NPAS3: variants seen among roughly 807,000 people sequenced by gnomAD.
The protein encoded by NPAS3 is neuronal PAS domain-containing protein 3.
NPAS3 carries 14 observed loss-of-function variants against 73.1 expected under a neutral mutation model. That is an observed-to-expected ratio of 0.19 (90% confidence interval 0.13 to 0.30). NPAS3 has a LOEUF of 0.30. Among genes scored for constraint, NPAS3 ranks in the 10% least tolerant of loss-of-function variants. The probability of loss-of-function intolerance (pLI) is 1.00; values close to 1 mark genes in which losing one functional copy is unlikely to be tolerated. For synonymous variants in NPAS3, 620 were observed against 541.5 expected (o/e 1.14, Z -2.01); for missense variants, 1,096 against 1,250.0 (o/e 0.88, Z 1.86).
chr14:33,728,860 G>A (rs902843250), intron 6 of NPAS3, among the ~76,000 whole-genome samples: 33 of 152,298 alleles, frequency 2.2e-4, no homozygotes, highest in African/African-American at 7.0e-4. Flanking sequence ...ATGAATACAA[G>A]GAGAGGATTT....
intron 3 of NPAS3, among the ~76,000 whole-genome samples, chr14:33,301,067 A>G (rs990401136): frequency 6.6e-6 from 1 of 151,624 alleles, no homozygotes; most frequent in Non-Finnish European, 1.5e-5. Flanking sequence ...ACTACTCCTC[A>G]TGTTTTTTCT....
intron 3 of NPAS3, among the ~76,000 whole-genome samples, chr14:33,242,452 AC>A (rs1266007016): frequency 1.3e-5 from 2 of 152,070 alleles, no homozygotes; most frequent in Admixed American, 6.5e-5. Flanking sequence ...TCTTTCCACA[AC>A]TTAGCTGGAA....
intron 2 of NPAS3, among the ~76,000 whole-genome samples, chr14:33,134,267 T>C (rs75454004): frequency 0.017 from 2,576 of 152,094 alleles, 64 homozygotes; most frequent in African/African-American, 0.06. Context: ...GTTTATATCA[T>C]AGCAAAGAGG....
intron 2 of NPAS3, among the ~76,000 whole-genome samples, chr14:33,065,812 A>G (rs1156387286): frequency 6.6e-6 from 1 of 151,938 alleles, no homozygotes; most frequent in Non-Finnish European, 1.5e-5. Context: ...TAACAGCATC[A>G]TTTTCCTGAC....
chr14:33,705,688 T>C (rs2060638794), intron 6 of NPAS3, among the ~76,000 whole-genome samples: 1 of 152,222 alleles, frequency 6.6e-6, no homozygotes, highest in Non-Finnish European at 1.5e-5. Flanking sequence ...TTTGTCAATA[T>C]GTATCCAGGC....
chr14:33,746,138 G>C (rs1362408002), intron 7 of NPAS3, among the ~76,000 whole-genome samples: 1 of 151,574 alleles, frequency 6.6e-6, no homozygotes, highest in Non-Finnish European at 1.5e-5. Context: ...ACATTCCTTA[G>C]GGGATTCTAT....
At chr14:32,934,871 G>C, upstream of NPAS3, 2 of 660,518 alleles carry the variant, frequency 3.0e-6, no homozygotes, top group Non-Finnish European at 3.8e-6. The surrounding 1 kb of genome is among the most constrained non-coding windows in gnomAD (Gnocchi z 4.1). Context: ...CCGGATTTCA[G>C]CGTGCAGGTG....
chr14:33,638,704 A>T (rs1336538504), intron 5 of NPAS3, among the ~76,000 whole-genome samples: 1 of 152,182 alleles, frequency 6.6e-6, no homozygotes, highest in Non-Finnish European at 1.5e-5. Context: ...CAGAACTAGA[A>T]ATGTCCAGCC....
chr14:33,673,712 C>T (rs2059675629), intron 5 of NPAS3, among the ~76,000 whole-genome samples: 1 of 152,234 alleles, frequency 6.6e-6, no homozygotes, highest in African/African-American at 2.4e-5. Flanking sequence ...AGGAACACAA[C>T]TCCAGGGGAG....
In NPAS3 at chr14:33,184,029, A is replaced by G. The variant is rs1292688792; in HGVS notation, c.141-31153A>G. Among the ~76,000 whole-genome samples the G allele has an allele frequency of 2.6e-5, 4 of 152,214 alleles. No homozygotes were observed. The East Asian group carries it at 7.8e-4, about 30-fold the overall frequency. On this transcript the variant is annotated intron_variant, in intron 2 of 11. Coordinates refer to ENST00000356141, the Ensembl canonical transcript of NPAS3. ...GTGAAACCTTCCTTGATCTGACCTG[A>G]GGTAAGATTGTCCATAATTTCTCCT... is the stretch of plus-strand genomic sequence containing the variant.
At position 33,749,005 on chromosome 14, in the gene NPAS3, G is replaced by A. The variant is rs183367229; in HGVS notation, c.852+13673G>A. On this transcript the variant is annotated intron_variant, in intron 7 of 11. Transcript: ENST00000356141. ...CTAGGAAACATTTAACCAAATGAAC[G>A]CCATGAGGGAAAAGAGGTCTGGGAA... 1.8e-3 allele frequency among the ~76,000 whole-genome samples: 278 copies of A among 152,248 alleles called. 1 individual carries two copies. Among genetic ancestry groups the A allele is most frequent in the African/African-American group, 6.6e-3 (275 of 41,552 alleles).
Position 33,781,759 on chromosome 14 carries a change from G to A in NPAS3, c.1153+3187G>A, listed in dbSNP as rs144554597. 5.5e-3 allele frequency among the ~76,000 whole-genome samples: 840 copies of A among 152,102 alleles called. 1 individual carries two copies. Among genetic ancestry groups the A allele is most frequent in the African/African-American group, 0.014 (568 of 41,508 alleles). On this transcript the variant is annotated intron_variant, in intron 9 of 11. Coordinates refer to ENST00000356141, the Ensembl canonical transcript of NPAS3. ...GTCTTATGCCCCAGTTTGATAAAGC[G>A]TTTTTTTAAAAGACTTAATAGTCTT...
At chr14:33,342,611 T>C (rs2044539120) in intron 3 of NPAS3, among the ~76,000 whole-genome samples, 1 of 152,224 alleles carries the variant, frequency 6.6e-6, no homozygotes, top group Admixed American at 6.5e-5. Flanking sequence ...AGCCTGTGTG[T>C]TTTTCATAAA....
At chr14:33,430,859 A>G (rs1372114339) in intron 4 of NPAS3, among the ~76,000 whole-genome samples, 1 of 152,164 alleles carries the variant, frequency 6.6e-6, no homozygotes, top group Non-Finnish European at 1.5e-5. Context: ...CTGCCCAGAG[A>G]AGCTGAGGGG....
intron 3 of NPAS3, among the ~76,000 whole-genome samples, chr14:33,257,553 A>G (rs1026557694): frequency 1.3e-5 from 2 of 152,220 alleles, no homozygotes; most frequent in Non-Finnish European, 2.9e-5. Flanking sequence ...TCTACATACA[A>G]GTGTGCTGAC....
At position 33,318,842 on chromosome 14, in the gene NPAS3, C is replaced by A. The variant is rs187652909; in HGVS notation, c.386-48344C>A. 1.8e-4 allele frequency among the ~76,000 whole-genome samples: 28 copies of A among 152,196 alleles called. 1 individual carries two copies. Among genetic ancestry groups the A allele is most frequent in the Admixed American group, 1.4e-3 (22 of 15,262 alleles). ...AAGACATTTTCTGACTATTCTAATTCCTACTACCTTCACTTTTTTAACGTA... is the reference window on the plus strand; with the variant it reads ...AAGACATTTTCTGACTATTCTAATTACTACTACCTTCACTTTTTTAACGTA... On this transcript the variant is annotated intron_variant, in intron 3 of 11. Coordinates refer to ENST00000356141, the Ensembl canonical transcript of NPAS3.
intron 4 of NPAS3, among the ~76,000 whole-genome samples, chr14:33,461,903 C>T (rs2050286661): frequency 6.6e-6 from 1 of 152,170 alleles, no homozygotes. Context: ...GTAATAGTTT[C>T]AAATTCATGA....
chr14:33,535,671 A>G (rs547831131), intron 4 of NPAS3, among the ~76,000 whole-genome samples: 14 of 152,150 alleles, frequency 9.2e-5, no homozygotes, highest in African/African-American at 3.4e-4. Context: ...ATTTTTTTAT[A>G]TTTCTATTTT....
chr14:33,415,962 T>A (rs1366904466), intron 4 of NPAS3, among the ~76,000 whole-genome samples: 2 of 152,162 alleles, frequency 1.3e-5, no homozygotes, highest in Non-Finnish European at 2.9e-5. Context: ...ATTTAATTGC[T>A]GTTTTGGATT....
Sources: allele counts gnomAD v4.1 joint callset (sites outside exome capture counted in the v4.1 genomes callset), GRCh38; gene constraint gnomAD v4.1.1; non-coding constraint Gnocchi (gnomAD v3.1); transcripts MANE v1.5; gene names NCBI Gene and HGNC (gene_info 2026-07-23, HGNC 2026-07-21).